GPC3: variants seen among roughly 807,000 people sequenced by gnomAD.
GPC3 encodes glypican-3.
In GPC3, 3 loss-of-function variants were observed where a neutral mutation model predicts 34.4. The ratio of observed to expected loss-of-function variants is 0.09; its 90% CI spans 0.04 to 0.23. The LOEUF (loss-of-function observed/expected upper bound fraction) is 0.23, where lower values mean the gene tolerates loss of function less well. Among genes scored for constraint, GPC3 ranks in the 10% least tolerant of loss-of-function variants. The probability of loss-of-function intolerance (pLI) is 1.00; values close to 1 mark genes in which losing one functional copy is unlikely to be tolerated. For missense variants in GPC3, 351 were observed against 445.6 expected, an observed-to-expected ratio of 0.79 and a Z score of 1.91; for synonymous variants, 177 against 174.0, an observed-to-expected ratio of 1.02 and a Z score of -0.13.
At position 133,573,067 on chromosome X, in the gene GPC3, C is replaced by T. The variant is rs775175825; in HGVS notation, c.1573+23373G>A. On this transcript the variant is annotated intron_variant, in intron 7 of 7. Coordinates refer to ENST00000370818, the MANE Select transcript of GPC3 (RefSeq NM_004484.4). ...GAAAAGGTTATGTATCATGACCAAG[C>T]GGGATTTATCCCAGGAATGCAAGGT... Among the ~76,000 whole-genome samples the T allele has an allele frequency of 1.0e-3, 113 of 110,942 alleles. 3 individuals carry two copies. The highest frequency in any genetic ancestry group is 2.1e-4 in the Non-Finnish European group (11 of 52,923).
chrX:133,610,419 T>G (rs753738387), intron 6 of GPC3, among the ~76,000 whole-genome samples: 162 of 111,059 alleles, frequency 1.5e-3, no homozygotes, highest in African/African-American at 5.3e-3. Context: ...CACTTACTGT[T>G]CCACCTTTCT....
chrX:133,958,887 A>G (rs1338509102), intron 1 of GPC3, among the ~76,000 whole-genome samples: 1 of 97,996 alleles, frequency 1.0e-5, no homozygotes, highest in African/African-American at 3.7e-5. Context: ...CTTCGTCTCG[A>G]AAAAAAAAAA....
At chrX:133,678,592 C>T (rs1603221573) in intron 5 of GPC3, among the ~76,000 whole-genome samples, 1 of 111,619 alleles carries the variant, frequency 9.0e-6, no homozygotes, top group East Asian at 2.8e-4. Flanking sequence ...AAGTCCTAGG[C>T]AACCTGGAAA....
intron 2 of GPC3, among the ~76,000 whole-genome samples, chrX:133,766,939 C>T (rs1490446033): frequency 1.8e-5 from 2 of 112,064 alleles, no homozygotes; most frequent in Non-Finnish European, 3.8e-5. Flanking sequence ...TTATCAGAAC[C>T]ACCCTGTGAG....
At chrX:133,682,985 A>T (rs893291439) in intron 5 of GPC3, among the ~76,000 whole-genome samples, 4 of 108,256 alleles carry the variant, frequency 3.7e-5, no homozygotes, top group African/African-American at 1.4e-4. Context: ...AAAAAAAAAA[A>T]TCCATCTGGA....
Position 133,657,879 on chromosome X carries a change from C to T in GPC3, c.1413+3851G>A, listed in dbSNP as rs192601615. Among the ~76,000 whole-genome samples the T allele has an allele frequency of 9.1e-3, 947 of 103,646 alleles. 14 individuals are homozygous for T. Among genetic ancestry groups the T allele is most frequent in the African/African-American group, 0.032 (859 of 26,717 alleles). 90.0% of individuals were successfully genotyped at this position (103,646 alleles called of 115,157 possible). On this transcript the variant is annotated intron_variant, in intron 6 of 7. Coordinates refer to ENST00000370818, the MANE Select transcript of GPC3 (RefSeq NM_004484.4). ...CCTAGCTATAGTTCATCTGGATGGA[C>T]GCACATGGGGCATACATGCAGAGAG...
At chrX:133,728,111 G>A (rs898626287) in intron 3 of GPC3, among the ~76,000 whole-genome samples, 1 of 111,606 alleles carries the variant, frequency 9.0e-6, no homozygotes, top group Non-Finnish European at 1.9e-5. Context: ...TTTGAGTCCT[G>A]CAACCTATCT....
intron 1 of GPC3, among the ~76,000 whole-genome samples, chrX:133,972,006 G>C (rs1048345980): frequency 9.0e-6 from 1 of 111,583 alleles, no homozygotes; most frequent in Non-Finnish European, 1.9e-5. Flanking sequence ...ATAAATGCTG[G>C]TTCCAACATC....
chrX:133,948,434 T>TC (rs1429275815), intron 2 of GPC3, among the ~76,000 whole-genome samples: 3 of 109,223 alleles, frequency 2.7e-5, no homozygotes, highest in Admixed American at 2.0e-4. Context: ...AACGCTGCCC[T>TC]CCCCCCCATT....
rs193129032 is a variant in GPC3, at chrX:133,709,075, T to G, written c.1033-9047A>C. 4.4e-3 allele frequency among the ~76,000 whole-genome samples: 495 copies of G among 112,328 alleles called. 2 individuals carry two copies. The highest frequency in any genetic ancestry group is 0.015 in the African/African-American group (464 of 31,001). ...TTTGTGGATCTATTTCTGAACTCTA[T>G]TCTGTTTATTTAAATGTTTGTGCTT... On this transcript the variant is annotated intron_variant, in intron 3 of 7. Coordinates refer to ENST00000370818, the MANE Select transcript of GPC3 (RefSeq NM_004484.4).
At chrX:133,880,962 A>G (rs1433480668) in intron 2 of GPC3, among the ~76,000 whole-genome samples, 1 of 112,052 alleles carries the variant, frequency 8.9e-6, no homozygotes, top group Non-Finnish European at 1.9e-5. Context: ...AGAAAAACCC[A>G]GCAAAGTTAC....
intron 4 of GPC3, among the ~76,000 whole-genome samples, chrX:133,699,518 C>T (rs1250981272): frequency 8.9e-6 from 1 of 111,820 alleles, no homozygotes; most frequent in African/African-American, 3.3e-5. Flanking sequence ...ATGTGTCTCA[C>T]CAGCTTCTCT....
At chrX:133,586,594 C>T (rs1027721379) in intron 7 of GPC3, among the ~76,000 whole-genome samples, 2 of 111,606 alleles carry the variant, frequency 1.8e-5, no homozygotes, top group South Asian at 3.8e-4. Flanking sequence ...CCACTAGCAC[C>T]AAAGAAAACA....
At chrX:133,670,479 G>C (rs1388086338) in intron 5 of GPC3, among the ~76,000 whole-genome samples, 1 of 111,938 alleles carries the variant, frequency 8.9e-6, no homozygotes, top group African/African-American at 3.3e-5. Flanking sequence ...GTGCTTGAGA[G>C]CCAATCAGAA....
At chrX:133,860,050 C>T (rs1013913619) in intron 2 of GPC3, among the ~76,000 whole-genome samples, 4 of 111,213 alleles carry the variant, frequency 3.6e-5, no homozygotes, top group African/African-American at 1.3e-4. Context: ...GAGGACAGCA[C>T]CAAGCCTGTT....
chrX:133,741,241 C>A (rs1351285711), intron 3 of GPC3, among the ~76,000 whole-genome samples: 1 of 106,974 alleles, frequency 9.3e-6, no homozygotes, highest in Non-Finnish European at 1.9e-5. Context: ...GGACTTTCAA[C>A]CCCTGGATTT....
intron 2 of GPC3, among the ~76,000 whole-genome samples, chrX:133,844,560 G>C (rs1174381392): frequency 9.0e-6 from 1 of 111,650 alleles, no homozygotes; most frequent in Non-Finnish European, 1.9e-5. Flanking sequence ...GGGAGACCGA[G>C]TACAGTTATT....
At chrX:133,569,638 A>G (rs1386353961) in intron 7 of GPC3, among the ~76,000 whole-genome samples, 1 of 112,157 alleles carries the variant, frequency 8.9e-6, no homozygotes, top group Non-Finnish European at 1.9e-5. Context: ...CAAAACTAAC[A>G]TTTGGAAATT....
chrX:133,897,057 C>T (rs1453785996), intron 2 of GPC3, among the ~76,000 whole-genome samples: 1 of 109,003 alleles, frequency 9.2e-6, no homozygotes, highest in Non-Finnish European at 1.9e-5. Flanking sequence ...CAGGCGCCCA[C>T]AACCACGCCC....
Sources: allele counts gnomAD v4.1 joint callset (sites outside exome capture counted in the v4.1 genomes callset), GRCh38; gene constraint gnomAD v4.1.1; transcripts MANE v1.5; gene names NCBI Gene and HGNC (gene_info 2026-07-23, HGNC 2026-07-21).